Variants in TNKS observed in about 807,000 individuals in gnomAD.
The protein encoded by TNKS is poly [ADP-ribose] polymerase tankyrase-1.
In TNKS, 72 loss-of-function variants were observed where a neutral mutation model predicts 135.8. The observed-to-expected ratio is 0.53, with a 90% CI of 0.44 to 0.64. The LOEUF (loss-of-function observed/expected upper bound fraction) is 0.64. Ranked by LOEUF, TNKS falls within the 30% of genes least tolerant of loss-of-function variation. The pLI is 0.00. For synonymous variants in TNKS, 849 were observed against 649.3 expected, an observed-to-expected ratio of 1.31 and a Z score of -4.68; for missense variants, 1,769 against 1,674.0, an observed-to-expected ratio of 1.06 and a Z score of -0.99.
At chr8:9,680,550 A>G (rs1451581708) in intron 4 of TNKS, among the ~76,000 whole-genome samples, 175 bp from the exon 5 acceptor site, 1 of 152,222 alleles carries the variant, frequency 6.6e-6, no homozygotes, top group Non-Finnish European at 1.5e-5. Context: ...GGTAATTAAC[A>G]GGAATTAATT....
At chr8:9,665,781 C>A (rs962136630) in intron 3 of TNKS, among the ~76,000 whole-genome samples, 2 of 152,062 alleles carry the variant, frequency 1.3e-5, no homozygotes, top group Admixed American at 6.6e-5. Context: ...CTCGTGAATT[C>A]CCATTATTAT....
intron 2 of TNKS, among the ~76,000 whole-genome samples, chr8:9,581,889 A>C (rs1406568049): frequency 6.6e-6 from 1 of 152,190 alleles, no homozygotes; most frequent in Non-Finnish European, 1.5e-5. Context: ...GTTCTATTGA[A>C]ATAAAAGACT....
intron 20 of TNKS, among the ~76,000 whole-genome samples, chr8:9,753,510 A>G (rs1806659726): frequency 6.6e-6 from 1 of 152,230 alleles, no homozygotes; most frequent in African/African-American, 2.4e-5. Context: ...TTTATGAATT[A>G]GGATTCTTCT....
At chr8:9,600,218 G>A (rs1442565227) in intron 2 of TNKS, among the ~76,000 whole-genome samples, 1 of 152,170 alleles carries the variant, frequency 6.6e-6, no homozygotes, top group Non-Finnish European at 1.5e-5. Context: ...GCCAGCCTCT[G>A]AAGTACAGCT....
intron 3 of TNKS, among the ~76,000 whole-genome samples, chr8:9,661,647 G>T (rs1168791918): frequency 6.6e-6 from 1 of 152,104 alleles, no homozygotes; most frequent in Non-Finnish European, 1.5e-5. Flanking sequence ...GAAAACCTAG[G>T]CAATACCATT....
At chr8:9,688,299 A>G (rs771219252) in intron 5 of TNKS, among the ~76,000 whole-genome samples, 1 of 152,208 alleles carries the variant, frequency 6.6e-6, no homozygotes, top group Non-Finnish European at 1.5e-5. Flanking sequence ...TTTAGGTGCA[A>G]ACAGAAGTCT....
In TNKS at chr8:9,733,494, G is replaced by A. The variant is rs192974250; in HGVS notation, c.2313+50G>A. ...ATATAACTAATTTTATTTATATTTT[G>A]GTTATTACTTGAAAGTAAGTTGGGG... On this transcript the variant is annotated intron_variant, in intron 15 of 26. Coordinates refer to ENST00000310430, the MANE Select transcript of TNKS (RefSeq NM_003747.3). 35 of 1,507,654 alleles carry A rather than the reference G, an allele frequency of 2.3e-5. No homozygotes were observed. The Admixed American group carries it at 6.4e-4, about 27-fold the overall frequency. The allele number at this position is 1,507,654 out of a possible 1,614,324, so 93.4% of individuals were successfully genotyped here.
intron 1 of TNKS, among the ~76,000 whole-genome samples, chr8:9,562,989 A>T (rs1797396076): frequency 6.6e-6 from 1 of 152,042 alleles, no homozygotes; most frequent in African/African-American, 2.4e-5. Context: ...AGTTTCTCAA[A>T]TTATACTTTT....
intron 3 of TNKS, among the ~76,000 whole-genome samples, chr8:9,636,164 C>T (rs574003884): frequency 2.0e-5 from 3 of 152,156 alleles, no homozygotes; most frequent in East Asian, 1.9e-4. Context: ...TAAACATAAG[C>T]GAGAGGATAT....
At chr8:9,579,640 T>C (rs1321686071) in intron 1 of TNKS, among the ~76,000 whole-genome samples, 1 of 152,118 alleles carries the variant, frequency 6.6e-6, no homozygotes, top group African/African-American at 2.4e-5. Context: ...GGCTAATTTT[T>C]GTGGTTTTAT....
At chr8:9,601,925 G>A (rs534850979) in intron 2 of TNKS, among the ~76,000 whole-genome samples, 8 of 152,154 alleles carry the variant, frequency 5.3e-5, no homozygotes, top group South Asian at 2.1e-4. Flanking sequence ...ATATAAAAGC[G>A]TTCAGAGGCC....
At position 9,641,365 on chromosome 8, in the gene TNKS, A is replaced by G. The variant is rs1227171811; in HGVS notation, c.994+25688A>G. 1.4e-5 allele frequency among the ~76,000 whole-genome samples: 2 copies of G among 144,730 alleles called. 1 individual carries two copies. Among genetic ancestry groups the G allele is most frequent in the African/African-American group, 5.1e-5 (2 of 39,002 alleles). 94.9% of individuals were successfully genotyped at this position (144,730 alleles called of 152,430 possible). A position where few individuals can be genotyped will look rare whatever the true frequency, so the allele number is the denominator to read the frequency against. On this transcript the variant is annotated intron_variant, in intron 3 of 26. Coordinates refer to ENST00000310430, the MANE Select transcript of TNKS (RefSeq NM_003747.3). ...AAGGATAAAAAAGGCCTGCTAGGAA[A>G]TTTCAAACTGGGTAATTGAGATATT...
chr8:9,615,908 C>T (rs895210582), intron 3 of TNKS, among the ~76,000 whole-genome samples: 2 of 152,138 alleles, frequency 1.3e-5, no homozygotes, highest in Admixed American at 6.6e-5. Context: ...TAAATCATAA[C>T]ATCTTTCACT....
rs1804159594 is a variant in TNKS, at chr8:9,708,455, T to TTGTA, written c.1542_1543insGTAT (p.Asn515ValfsTer2). ...AAAAAAACACTCGCTCTGGAAATCA[T>TTGTA]TAATTTCAAACAACCGCAGTCTCAT... is the stretch of plus-strand genomic sequence containing the variant. On this transcript the variant is annotated frameshift_variant, in exon 9 of 27. Coordinates refer to ENST00000310430, the MANE Select transcript of TNKS (RefSeq NM_003747.3). LOFTEE classifies it high-confidence loss of function. 6.2e-7 allele frequency: 1 copy of TTGTA among 1,609,214 alleles called. No individual in the cohort carries two copies. The highest frequency in any genetic ancestry group is 8.5e-7 in the Non-Finnish European group (1 of 1,177,664).
rs199723564 is a variant in TNKS, at chr8:9,720,336, G to A, written c.1750-38G>A. 5,321 of 1,507,850 alleles carry A rather than the reference G, an allele frequency of 3.5e-3. 13 individuals carry two copies. Among genetic ancestry groups the A allele is most frequent in the Non-Finnish European group, 4.4e-3 (4,912 of 1,125,870 alleles). The allele number at this position is 1,507,850 out of a possible 1,614,324, so 93.4% of individuals were successfully genotyped here. A position where few individuals can be genotyped will look rare whatever the true frequency, so the allele number is the denominator to read the frequency against. On this transcript the variant is annotated intron_variant, in intron 11 of 26. Coordinates refer to ENST00000310430, the MANE Select transcript of TNKS (RefSeq NM_003747.3). Reference sequence around the variant, plus strand: ...TAAGGTATAAAAGGAAACTAAACAAGATGCTCAATTCCATGTGCCCACGCA... The same window carrying A: ...TAAGGTATAAAAGGAAACTAAACAAAATGCTCAATTCCATGTGCCCACGCA...
chr8:9,662,760 T>TA (rs991745110), intron 3 of TNKS, among the ~76,000 whole-genome samples: 2 of 152,032 alleles, frequency 1.3e-5, no homozygotes, highest in African/African-American at 2.4e-5. Context: ...ATAAAATTTT[T>TA]AAAAAAAGTA....
chr8:9,618,465 G>A (rs1319128847), intron 3 of TNKS, among the ~76,000 whole-genome samples: 1 of 152,180 alleles, frequency 6.6e-6, no homozygotes, highest in Non-Finnish European at 1.5e-5. Flanking sequence ...TTGTGTAAGT[G>A]AATGGTAGAC....
chr8:9,756,939 G>A (rs1806862051), intron 20 of TNKS, among the ~76,000 whole-genome samples: 1 of 151,904 alleles, frequency 6.6e-6, no homozygotes, highest in Non-Finnish European at 1.5e-5. Context: ...AGACTTCCCA[G>A]GGCCTTTGGT....
chr8:9,588,062 C>T (rs1400949030), intron 2 of TNKS, among the ~76,000 whole-genome samples: 1 of 152,090 alleles, frequency 6.6e-6, no homozygotes, highest in African/African-American at 2.4e-5. Context: ...ATGTAGTGGA[C>T]TCATATTTGT....
Sources: gnomAD v4.1 joint callset for allele counts (sites outside exome capture counted in the v4.1 genomes callset) on GRCh38, gnomAD v4.1.1 for gene constraint, MANE v1.5 for transcripts, NCBI Gene and HGNC (gene_info 2026-07-23, HGNC 2026-07-21) for gene names.